Variants in SEMA5A observed in about 807,000 individuals in gnomAD.
SEMA5A encodes the protein semaphorin 5A.
A neutral mutation model predicts 135.5 loss-of-function variants in SEMA5A; 55 were observed. The observed-to-expected ratio is 0.41, with a 90% CI of 0.33 to 0.51. SEMA5A has a LOEUF of 0.51. Ranked by LOEUF, SEMA5A falls within the 20% of genes least tolerant of loss-of-function variation. SEMA5A has a pLI of 0.37. For missense variants in SEMA5A, 1,290 were observed against 1,419.9 expected, an observed-to-expected ratio of 0.91 and a Z score of 1.47; for synonymous variants, 580 against 546.5, an observed-to-expected ratio of 1.06 and a Z score of -0.85.
At chr5:9,443,480 G>A (rs1758315501) in intron 1 of SEMA5A, among the ~76,000 whole-genome samples, 1 of 152,178 alleles carries the variant, frequency 6.6e-6, no homozygotes, top group Non-Finnish European at 1.5e-5. Context: ...TTATAAAATG[G>A]ACTTTTATTG....
intron 4 of SEMA5A, 106 bp from the exon 5 acceptor site, chr5:9,318,523 G>T (rs1752489160): frequency 1.1e-6 from 1 of 906,790 alleles, no homozygotes; most frequent in Non-Finnish European, 1.7e-6. Context: ...GACTTCAAAA[G>T]CATCTTCTTT....
intron 13 of SEMA5A, among the ~76,000 whole-genome samples, chr5:9,128,403 C>T (rs1741230656): frequency 6.6e-6 from 1 of 152,178 alleles, no homozygotes; most frequent in African/African-American, 2.4e-5. Context: ...GAGGAGGAAG[C>T]TTTCTCTGCT....
At chr5:9,221,400 T>C in intron 8 of SEMA5A, among the ~76,000 whole-genome samples, 1 of 149,962 alleles carries the variant, frequency 6.7e-6, no homozygotes, top group African/African-American at 2.4e-5. Flanking sequence ...CCTCCCGGGT[T>C]CACACCATTC....
chr5:9,382,728 A>C (rs1755670567), intron 2 of SEMA5A, among the ~76,000 whole-genome samples: 1 of 152,228 alleles, frequency 6.6e-6, no homozygotes, highest in Admixed American at 6.5e-5. Context: ...CTATGCATGT[A>C]TGAATTTGCA....
At chr5:9,393,831 A>G (rs1328701610) in intron 2 of SEMA5A, among the ~76,000 whole-genome samples, 1 of 152,200 alleles carries the variant, frequency 6.6e-6, no homozygotes, top group Non-Finnish European at 1.5e-5. Flanking sequence ...AATCTATAAA[A>G]GAATGCTCAT....
chr5:9,066,328 A>T, intron 17 of SEMA5A, 93 bp downstream of exon 17: 1 of 1,235,942 alleles, frequency 8.1e-7, no homozygotes, highest in South Asian at 1.3e-5. Flanking sequence ...AATAACCAAA[A>T]AGGAAAATGC....
intron 16 of SEMA5A, among the ~76,000 whole-genome samples, chr5:9,068,998 C>G (rs561672358): frequency 7.2e-5 from 11 of 152,188 alleles, no homozygotes; most frequent in Admixed American, 7.2e-4. Context: ...GGTCGCCCAG[C>G]AGCTAGTTGT....
intron 15 of SEMA5A, among the ~76,000 whole-genome samples, chr5:9,114,393 A>G (rs1740400086): frequency 6.6e-6 from 1 of 152,262 alleles, no homozygotes; most frequent in Non-Finnish European, 1.5e-5. Flanking sequence ...ACGGTTATAC[A>G]ATAATGTGAA....
intron 16 of SEMA5A, 96 bp downstream of exon 16, chr5:9,108,044 T>C (rs948092864): frequency 7.0e-7 from 1 of 1,434,764 alleles, no homozygotes; most frequent in East Asian, 2.4e-5. Context: ...ATTTATTGTT[T>C]GCAGAACATC....
At position 9,276,183 on chromosome 5, in the gene SEMA5A, C is replaced by G. The variant is rs182850360; in HGVS notation, c.271-38293G>C. 3.0e-3 allele frequency among the ~76,000 whole-genome samples: 460 copies of G among 152,136 alleles called. 4 individuals are homozygous for G. The Middle Eastern group carries it at 0.054, about 18-fold the overall frequency. Reference sequence around the variant, plus strand: ...ACACCAATAACAGACAAACAGAGAGCCACATCATGAGTGAACTCCCATTCA... The same window carrying G: ...ACACCAATAACAGACAAACAGAGAGGCACATCATGAGTGAACTCCCATTCA... On this transcript the variant is annotated intron_variant, in intron 5 of 22. Coordinates refer to ENST00000382496, the MANE Select transcript of SEMA5A (RefSeq NM_003966.3).
intron 1 of SEMA5A, among the ~76,000 whole-genome samples, chr5:9,514,358 A>T (rs908733307): frequency 6.6e-6 from 1 of 152,114 alleles, no homozygotes; most frequent in African/African-American, 2.4e-5. Context: ...ACTTCCAGGG[A>T]TTAGGACAGG....
chr5:9,076,323 T>C (rs1001256475), intron 16 of SEMA5A, among the ~76,000 whole-genome samples: 9 of 151,996 alleles, frequency 5.9e-5, no homozygotes, highest in African/African-American at 2.2e-4. Context: ...AAATATCACA[T>C]GTTTTCACTT....
intron 1 of SEMA5A, among the ~76,000 whole-genome samples, chr5:9,506,648 C>A (rs78839311): frequency 0.022 from 3,277 of 152,250 alleles, 130 homozygotes; most frequent in African/African-American, 0.073. Context: ...GCATCCCTTA[C>A]AAATTGTGGG....
intron 5 of SEMA5A, among the ~76,000 whole-genome samples, chr5:9,285,536 C>A (rs1209111189): frequency 1.3e-5 from 2 of 152,198 alleles, no homozygotes; most frequent in Non-Finnish European, 2.9e-5. Context: ...ATACTTGCCC[C>A]ATTAAAACTA....
At chr5:9,243,336 T>G (rs1748309068) in intron 5 of SEMA5A, among the ~76,000 whole-genome samples, 1 of 152,206 alleles carries the variant, frequency 6.6e-6, no homozygotes, top group Non-Finnish European at 1.5e-5. Flanking sequence ...CTTGTGTTTT[T>G]CTTTGTCCAA....
At chr5:9,091,853 G>C (rs1234079265) in intron 16 of SEMA5A, among the ~76,000 whole-genome samples, 2 of 152,142 alleles carry the variant, frequency 1.3e-5, no homozygotes, top group Non-Finnish European at 2.9e-5. Flanking sequence ...CCATTTGTAT[G>C]ACAGTCCTGT....
chr5:9,419,682 G>A (rs1184271210), intron 2 of SEMA5A, among the ~76,000 whole-genome samples: 1 of 152,140 alleles, frequency 6.6e-6, no homozygotes, highest in Non-Finnish European at 1.5e-5. Flanking sequence ...GGGCATGCAT[G>A]CACACACAAG....
chr5:9,318,968 G>C (rs1337099202), intron 4 of SEMA5A, among the ~76,000 whole-genome samples: 1 of 152,178 alleles, frequency 6.6e-6, no homozygotes, highest in East Asian at 1.9e-4. Flanking sequence ...GGAGGCTGAG[G>C]CAGGAGGATA....
chr5:9,277,217 C>T (rs1450565848), intron 5 of SEMA5A, among the ~76,000 whole-genome samples: 1 of 152,178 alleles, frequency 6.6e-6, no homozygotes, highest in Non-Finnish European at 1.5e-5. Flanking sequence ...GAAAAAAATG[C>T]TCATCATCAC....
Sources: gnomAD v4.1 joint callset for allele counts (sites outside exome capture counted in the v4.1 genomes callset) on GRCh38, gnomAD v4.1.1 for gene constraint, MANE v1.5 for transcripts, NCBI Gene and HGNC (gene_info 2026-07-23, HGNC 2026-07-21) for gene names.